Variants in ADGRV1 observed in about 807,000 individuals in gnomAD.
ADGRV1 encodes the protein adhesion G protein-coupled receptor V1.
In ADGRV1, 359 loss-of-function variants were observed where a neutral mutation model predicts 596.2. The ratio of observed to expected loss-of-function variants is 0.60; its 90% CI spans 0.55 to 0.66. The LOEUF (loss-of-function observed/expected upper bound fraction) is 0.66. ADGRV1 is among the 30% of genes least tolerant of loss of function. The probability of loss-of-function intolerance (pLI) is 0.00; values close to 1 mark genes in which losing one functional copy is unlikely to be tolerated. For synonymous variants in ADGRV1, 2,681 were observed against 2,679.2 expected, an observed-to-expected ratio of 1.00 and a Z score of -0.02; for missense variants, 7,274 against 7,575.6, an observed-to-expected ratio of 0.96 and a Z score of 1.48.
At position 91,102,462 on chromosome 5, in the gene ADGRV1, A is replaced by T. The variant is rs1420008523; in HGVS notation, c.18432+122A>T. On this transcript the variant is annotated intron_variant, in intron 87 of 89. Coordinates refer to ENST00000405460, the MANE Select transcript of ADGRV1 (RefSeq NM_032119.4). Reference sequence around the variant, plus strand: ...GTGAATTTGTGTACATAATAACATCATATAGAGTTGTAAAATAAAATGATA... The same window carrying T: ...GTGAATTTGTGTACATAATAACATCTTATAGAGTTGTAAAATAAAATGATA... 5.5e-6 allele frequency: 4 copies of T among 730,294 alleles called. No homozygotes were observed. In the African/African-American group the frequency reaches 7.2e-5, roughly 13 times the overall value. 45.2% of individuals were successfully genotyped at this position (730,294 alleles called of 1,614,324 possible). A position where few individuals can be genotyped will look rare whatever the true frequency, so the allele number is the denominator to read the frequency against.
chr5:90,666,424 G>C (rs909411848), intron 21 of ADGRV1, among the ~76,000 whole-genome samples: 4 of 152,096 alleles, frequency 2.6e-5, no homozygotes, highest in East Asian at 1.9e-4. Flanking sequence ...TTATCAGAGA[G>C]TAGGATTGCA....
intron 87 of ADGRV1, among the ~76,000 whole-genome samples, chr5:91,140,817 A>G (rs1040846619): frequency 5.3e-5 from 8 of 152,226 alleles, no homozygotes; most frequent in African/African-American, 1.7e-4. Flanking sequence ...GATAAGTCCT[A>G]TCATGACTGA....
intron 85 of ADGRV1, among the ~76,000 whole-genome samples, chr5:91,033,135 A>C (rs190198962): frequency 4.3e-4 from 66 of 151,858 alleles, no homozygotes; most frequent in Non-Finnish European, 7.5e-4. Flanking sequence ...TTCCTTTTTT[A>C]CTTTCCTTCC....
At chr5:90,700,148 G>A (rs1747722803) in intron 34 of ADGRV1, among the ~76,000 whole-genome samples, 1 of 152,138 alleles carries the variant, frequency 6.6e-6, no homozygotes, top group African/African-American at 2.4e-5. Context: ...AGAGAAATGT[G>A]TATCATGATG....
At position 90,642,652 on chromosome 5, in the gene ADGRV1, C is replaced by G. The variant is rs765471838; in HGVS notation, c.2257C>G (p.Gln753Glu). Reference sequence around the variant, plus strand: ...CTTCTCTAGGGTTAACGTGGAAAACCAAGTGCTGAAATCTGGATATACTAG... The same window carrying G: ...CTTCTCTAGGGTTAACGTGGAAAACGAAGTGCTGAAATCTGGATATACTAG... The part of the protein sequence containing the change: ...LSLDRVNVEN[Q>E]VLKSGYTSRD... The change falls in exon 12 of 90, where the codon CAA becomes GAA. Residue 753 changes from glutamine to glutamate, a missense_variant. Gln to Glu is a conservative substitution (Grantham distance 29, BLOSUM62 2). This residue lies in a region of ADGRV1 where 1,715 missense variants were observed against 1,708.8 expected (regional missense o/e 1.00). Transcript: ENST00000405460. The G allele has an allele frequency of 2.5e-6, 4 of 1,613,154 alleles. No homozygotes were observed. The highest frequency in any genetic ancestry group is 3.4e-6 in the Non-Finnish European group (4 of 1,179,408).
At chr5:90,727,285 C>T (rs1751922999) in intron 48 of ADGRV1, among the ~76,000 whole-genome samples, 1 of 152,124 alleles carries the variant, frequency 6.6e-6, no homozygotes. Context: ...TGGGATTTCA[C>T]CATGTTTCTC....
intron 83 of ADGRV1, among the ~76,000 whole-genome samples, chr5:90,957,234 G>A (rs1031023908): frequency 1.3e-5 from 2 of 152,036 alleles, no homozygotes; most frequent in East Asian, 1.9e-4. Flanking sequence ...TAAAAAAGAA[G>A]TGATCTCTAA....
chr5:90,867,597 A>G (rs1561871086), intron 83 of ADGRV1, among the ~76,000 whole-genome samples: 2 of 152,318 alleles, frequency 1.3e-5, no homozygotes, highest in East Asian at 3.9e-4. Context: ...ATCTTTGTGC[A>G]TGACTAAAGG....
chr5:90,938,631 T>C (rs1320677956), intron 83 of ADGRV1, among the ~76,000 whole-genome samples: 1 of 152,220 alleles, frequency 6.6e-6, no homozygotes, highest in Admixed American at 6.5e-5. Flanking sequence ...GAGCACCTAT[T>C]ATATGCCAGG....
At chr5:91,121,225 A>G (rs1582120443) in intron 87 of ADGRV1, among the ~76,000 whole-genome samples, 2 of 152,262 alleles carry the variant, frequency 1.3e-5, no homozygotes, top group Middle Eastern at 3.4e-3. Context: ...GTATAGGGGA[A>G]CACTATTTAT....
At chr5:91,116,030 T>C (rs914137081) in intron 87 of ADGRV1, among the ~76,000 whole-genome samples, 1 of 152,134 alleles carries the variant, frequency 6.6e-6, no homozygotes, top group Non-Finnish European at 1.5e-5. Context: ...TGGATAGCAC[T>C]CCAGGAAACA....
At chr5:90,690,770 A>G (rs957845777) in intron 30 of ADGRV1, 27 bp from the exon 31 acceptor site, 3 of 1,577,184 alleles carry the variant, frequency 1.9e-6, no homozygotes, top group South Asian at 2.3e-5. Context: ...TGTATTTGAA[A>G]TGAACTCTGC....
chr5:90,923,643 A>C (rs896408109), intron 83 of ADGRV1, among the ~76,000 whole-genome samples: 10 of 151,906 alleles, frequency 6.6e-5, no homozygotes, highest in African/African-American at 2.4e-4. Flanking sequence ...TTTTTTTATT[A>C]TTATACTTTA....
At chr5:90,976,318 GTGTGTATATATATATATA>G (rs1440168357) in intron 84 of ADGRV1, among the ~76,000 whole-genome samples, 3 of 120,804 alleles carry the variant, frequency 2.5e-5, no homozygotes, top group African/African-American at 1.0e-4. Flanking sequence ...GTGTGTGTGT[GTGTGTATATATATATATA>G]TATATATATA....
intron 83 of ADGRV1, among the ~76,000 whole-genome samples, chr5:90,931,704 A>C (rs1263054689): frequency 6.6e-6 from 1 of 152,226 alleles, no homozygotes; most frequent in Non-Finnish European, 1.5e-5. Flanking sequence ...TTCTTAAAAG[A>C]AATATTTTAA....
chr5:90,799,869 A>G (rs1761165571), intron 70 of ADGRV1, among the ~76,000 whole-genome samples: 1 of 152,222 alleles, frequency 6.6e-6, no homozygotes, highest in African/African-American at 2.4e-5. Flanking sequence ...AAAACTGGCT[A>G]GCCATATGCA....
At chr5:90,983,308 G>A (rs1363929352) in intron 84 of ADGRV1, among the ~76,000 whole-genome samples, 5 of 152,094 alleles carry the variant, frequency 3.3e-5, no homozygotes, top group African/African-American at 9.7e-5. Context: ...CCAGACAGCT[G>A]CTGACAGGTT....
chr5:91,075,502 G>T (rs1244084698), intron 86 of ADGRV1, among the ~76,000 whole-genome samples: 1 of 152,060 alleles, frequency 6.6e-6, no homozygotes, highest in Non-Finnish European at 1.5e-5. Flanking sequence ...TGAATATAAG[G>T]CAAAAGTTCC....
At chr5:90,869,595 T>C (rs1768469424) in intron 83 of ADGRV1, among the ~76,000 whole-genome samples, 1 of 152,188 alleles carries the variant, frequency 6.6e-6, no homozygotes. Flanking sequence ...ACAGTGGTAA[T>C]GGCAATGAGA....
Sources: gnomAD v4.1 joint callset for allele counts (sites outside exome capture counted in the v4.1 genomes callset) on GRCh38, gnomAD v4.1.1 for gene constraint, gnomAD v4.1.1 regional missense constraint, MANE v1.5 for transcripts, NCBI Gene and HGNC (gene_info 2026-07-23, HGNC 2026-07-21) for gene names.